LCN2: variants seen among roughly 807,000 people sequenced by gnomAD.
LCN2 encodes lipocalin 2.
In LCN2, 27 loss-of-function variants were observed where a neutral mutation model predicts 26.4. The ratio of observed to expected loss-of-function variants is 1.02; its 90% CI spans 0.76 to 1.41. The LOEUF is 1.41. Ranked by LOEUF, LCN2 falls within the 40% of genes most tolerant of loss-of-function variation. The pLI is 0.00. For synonymous variants in LCN2, 94 were observed against 98.9 expected, an observed-to-expected ratio of 0.95 and a Z score of 0.30; for missense variants, 224 against 237.6, an observed-to-expected ratio of 0.94 and a Z score of 0.38.
rs1829159936 is a variant in LCN2 at position 128,153,357 on chromosome 9, G to A, written c.*54G>A. On this transcript the variant is annotated 3_prime_UTR_variant, in exon 7 of 7. Coordinates refer to ENST00000277480, the MANE Select transcript of LCN2 (RefSeq NM_005564.5). The surrounding 1 kb of genome is among the most constrained non-coding windows in gnomAD (Gnocchi z 5.4). ...AGCCCGAACACCATTGAGGGAGCTG[G>A]GAGACCCTCCCCACAGTGCCACCCA... 1.7e-5 allele frequency: 10 copies of A among 597,304 alleles called. No homozygotes were observed. The Admixed American group carries it at 2.8e-4, about 17-fold the overall frequency. 37.0% of individuals were successfully genotyped at this position (597,304 alleles called of 1,614,324 possible). A position where few individuals can be genotyped will look rare whatever the true frequency, so the allele number is the denominator to read the frequency against.
rs778081569 is a variant in LCN2, at chr9:128,149,598, T to A, written c.73T>A (p.Ser25Thr). Residue 25 changes from serine (S) to threonine (T), a missense_variant, in exon 1 of 7, where the codon TCA becomes ACA. By Grantham distance (58) the Ser-to-Thr change is moderately conservative (BLOSUM62 1). Coordinates refer to ENST00000277480, the MANE Select transcript of LCN2 (RefSeq NM_005564.5). ...GCATGCCCAGGCCCAGGACTCCACC[T>A]CAGACCTGATCCCAGCCCCACCTCT... ...ALHAQAQDST[S>T]DLIPAPPLSK... 6.8e-6 allele frequency: 11 copies of A among 1,613,748 alleles called. No individual in the cohort carries two copies. The highest frequency in any genetic ancestry group is 3.3e-4 in the Middle Eastern group (2 of 6,060).
Position 128,153,436 on chromosome 9 carries a change from T to TG in LCN2, c.*133_*134insG. 2.0e-6 allele frequency: 1 copy of TG among 502,944 alleles called. No individual in the cohort carries two copies. The highest frequency in any genetic ancestry group is 3.7e-6 in the Non-Finnish European group (1 of 273,430). The allele number at this position is 502,944 out of a possible 1,614,324, so 31.2% of individuals were successfully genotyped here. ...ATGGAGCCCCACCTTGTCTGCTAAA[T>TG]AAACATGTGCCCTCAGGCCTCTGAG... is the stretch of plus-strand genomic sequence containing the variant. On this transcript the variant is annotated 3_prime_UTR_variant, in exon 7 of 7. Coordinates refer to ENST00000277480, the MANE Select transcript of LCN2 (RefSeq NM_005564.5). This position sits in a 1 kb window ranked among gnomAD's most constrained non-coding sequence, Gnocchi z 5.4.
At chr9:128,151,307 G>A in intron 2 of LCN2, 1 of 560,328 alleles carries the variant, frequency 1.8e-6, no homozygotes, top group Non-Finnish European at 3.3e-6. Flanking sequence ...GAAATGCAGG[G>A]TTTCTGTGTG....
At position 128,153,111 on chromosome 9, in the gene LCN2, G is replaced by A. The variant is rs749080993; in HGVS notation, c.589G>A (p.Asp197Asn). 1.9e-5 allele frequency: 31 copies of A among 1,613,972 alleles called. No individual in the cohort carries two copies. The Admixed American group carries it at 2.3e-4, about 12-fold the overall frequency. ...TTTCTCCCTAACAGACCAGTGTATC[G>A]ACGGCTGAGTGCACAGTGAGTGTGG... Reference protein sequence around the residue: ...VFPVPIDQCIDG With the variant: ...VFPVPIDQCING Residue 197 changes from aspartate to asparagine, a missense_variant, in exon 6 of 7, where the codon GAC becomes AAC. Asp to Asn is a conservative substitution (Grantham distance 23, BLOSUM62 1). Transcript: ENST00000277480. The surrounding 1 kb of genome is among the most constrained non-coding windows in gnomAD (Gnocchi z 5.4).
At position 128,153,019 on chromosome 9, in the gene LCN2, G is replaced by A. The variant is rs1588087415; in HGVS notation, c.578-81G>A. 1 of 1,604,292 alleles carries A rather than the reference G, an allele frequency of 6.2e-7. No individual in the cohort carries two copies. Among genetic ancestry groups the A allele is most frequent in the Non-Finnish European group, 8.5e-7 (1 of 1,172,152 alleles). On this transcript the variant is annotated intron_variant, in intron 5 of 6. Coordinates refer to ENST00000277480, the MANE Select transcript of LCN2 (RefSeq NM_005564.5). The surrounding 1 kb of genome is among the most constrained non-coding windows in gnomAD (Gnocchi z 5.4). ...GCCCAGGGGCAGTGCAGAGGACCTGGCAGTCAGGGATCACACACACACACT... is the reference window on the plus strand; with the variant it reads ...GCCCAGGGGCAGTGCAGAGGACCTGACAGTCAGGGATCACACACACACACT...
rs1159617860 is a variant in LCN2 at position 128,149,806 on chromosome 9, AG to A, written c.138+146del. On this transcript the variant is annotated intron_variant, in intron 1 of 6. Coordinates refer to ENST00000277480, the MANE Select transcript of LCN2 (RefSeq NM_005564.5). ...AGGTTTCAGCTCACTCTGTGCCACC[AG>A]GGTCCCCTGGTGGAAACCATGCCCC... 1.3e-5 allele frequency: 13 copies of A among 983,462 alleles called. No individual in the cohort carries two copies. The African/African-American group carries it at 2.1e-4, about 16-fold the overall frequency. 60.9% of individuals were successfully genotyped at this position (983,462 alleles called of 1,614,324 possible). A position where few individuals can be genotyped will look rare whatever the true frequency, so the allele number is the denominator to read the frequency against.
At chr9:128,150,582 A>G (rs1185155631) in intron 2 of LCN2, 8 of 720,772 alleles carry the variant, frequency 1.1e-5, no homozygotes, top group Non-Finnish European at 2.0e-5. Context: ...CACAGTCGTT[A>G]GAAAACAAGA....
At chr9:128,149,749 G>C (rs1289907217) in intron 1 of LCN2, 86 bp downstream of exon 1, 3 of 1,533,506 alleles carry the variant, frequency 2.0e-6, no homozygotes, top group Non-Finnish European at 2.7e-6. Flanking sequence ...CTCAGGAAGA[G>C]CGTTGGGCAG....
chr9:128,152,213 A>G lies in LCN2; in HGVS notation c.506A>G (p.Lys169Arg), dbSNP rs200989488. Residue 169 changes from lysine to arginine, a missense_variant, in exon 5 of 7, where the codon AAG becomes AGG. Lys to Arg is a conservative substitution (Grantham distance 26). Transcript: ENST00000277480. The stretch of plus-strand genomic sequence containing the variant: ...ACCAAGGAGCTGACTTCGGAACTAA[A>G]GGAGAACTTCATCCGCTTCTCCAAA... ...GRTKELTSEL[K>R]ENFIRFSKSL... is the part of the protein sequence containing the mutation. The G allele has an allele frequency of 2.5e-6, 4 of 1,614,136 alleles. No individual in the cohort carries two copies. The African/African-American group carries it at 4.0e-5, about 16-fold the overall frequency.
In LCN2 at chr9:128,150,490, G is replaced by GTTCA. The variant is rs570122128; in HGVS notation, c.275+118_275+121dup. 10 of 1,353,808 alleles carry GTTCA rather than the reference G, an allele frequency of 7.4e-6. No individual in the cohort carries two copies. The Admixed American group carries it at 1.7e-4, about 23-fold the overall frequency. 83.9% of individuals were successfully genotyped at this position (1,353,808 alleles called of 1,614,324 possible). On this transcript the variant is annotated intron_variant, in intron 2 of 6. Transcript: ENST00000277480. ...GCTGTTCTGCCCGGAATTCATCTGT[G>GTTCA]TTCATCCTTCCTCTGTTCCTTAGAG... is the stretch of plus-strand genomic sequence containing the variant.
chr9:128,150,653 C>T (rs1174264959), intron 2 of LCN2: 1 of 603,290 alleles, frequency 1.7e-6, no homozygotes, highest in Non-Finnish European at 3.1e-6. Flanking sequence ...CCTGGAACCC[C>T]ACCCAGTGCC....
At chr9:128,150,995 G>A (rs1029503642) in intron 2 of LCN2, among the ~76,000 whole-genome samples, 6 of 152,228 alleles carry the variant, frequency 3.9e-5, no homozygotes, top group South Asian at 2.1e-4. Context: ...CGTCACAGGT[G>A]TGAGAGAACA....
intron 2 of LCN2, among the ~76,000 whole-genome samples, chr9:128,150,840 C>T (rs761330667): frequency 7.9e-5 from 12 of 152,356 alleles, no homozygotes; most frequent in Non-Finnish European, 1.2e-4. Flanking sequence ...CAGGTGGCCA[C>T]GCTAGCACCT....
chr9:128,153,208 C>A lies in LCN2; in HGVS notation c.*7+82C>A. 6.6e-7 allele frequency: 1 copy of A among 1,520,908 alleles called. No individual in the cohort carries two copies. The highest frequency in any genetic ancestry group is 9.1e-7 in the Non-Finnish European group (1 of 1,098,252). The allele number at this position is 1,520,908 out of a possible 1,614,324, so 94.2% of individuals were successfully genotyped here. A position where few individuals can be genotyped will look rare whatever the true frequency, so the allele number is the denominator to read the frequency against. ...TGGGGGTCTTGGGCCTGCCTTTGCT[C>A]ATCCCCCTGCCCCCCAGCACTGCTG... On this transcript the variant is annotated intron_variant, in intron 6 of 6. Transcript: ENST00000277480. The surrounding 1 kb of genome is among the most constrained non-coding windows in gnomAD (Gnocchi z 5.4).
At position 128,152,183 on chromosome 9, in the gene LCN2, G is replaced by C; in HGVS notation, c.476G>C (p.Gly159Ala). ...CACTCACTGGCCATCTTGGTCACAG[G>C]GAGAACCAAGGAGCTGACTTCGGAA... The part of the protein sequence containing the change: ...NREYFKITLY[G>A]RTKELTSELK... Residue 159 changes from glycine (G) to alanine (A), a missense_variant and splice_region_variant, in exon 5 of 7, where the codon GGG becomes GCG. Gly to Ala is a moderately conservative substitution (Grantham distance 60). Coordinates refer to ENST00000277480, the MANE Select transcript of LCN2 (RefSeq NM_005564.5). 1 of 1,613,922 alleles carries C rather than the reference G, an allele frequency of 6.2e-7. No individual in the cohort carries two copies. Among genetic ancestry groups the C allele is most frequent in the Non-Finnish European group, 8.5e-7 (1 of 1,179,852 alleles).
In LCN2 at chr9:128,153,029, A is replaced by ATC; in HGVS notation, c.578-70_578-69dup. 6.2e-7 allele frequency: 1 copy of ATC among 1,608,264 alleles called. No individual in the cohort carries two copies. The highest frequency in any genetic ancestry group is 1.1e-5 in the South Asian group (1 of 90,770). On this transcript the variant is annotated intron_variant, in intron 5 of 6. Coordinates refer to ENST00000277480, the MANE Select transcript of LCN2 (RefSeq NM_005564.5). This position sits in a 1 kb window ranked among gnomAD's most constrained non-coding sequence, Gnocchi z 5.4. ...AGTGCAGAGGACCTGGCAGTCAGGG[A>ATC]TCACACACACACACTCATACACGCA...
Position 128,153,280 on chromosome 9 carries a change from A to C in LCN2, c.*8-31A>C, listed in dbSNP as rs1829159146. On this transcript the variant is annotated intron_variant, in intron 6 of 6. Coordinates refer to ENST00000277480, the MANE Select transcript of LCN2 (RefSeq NM_005564.5). The surrounding 1 kb of genome is among the most constrained non-coding windows in gnomAD (Gnocchi z 5.4). ...CATCTCGGGTGCCTCCCATTTCCCCACCCATCACCCTCATATCCACCTCTG... is the reference window on the plus strand; with the variant it reads ...CATCTCGGGTGCCTCCCATTTCCCCCCCCATCACCCTCATATCCACCTCTG... 2 of 852,894 alleles carry C rather than the reference A, an allele frequency of 2.3e-6. No homozygotes were observed. Among genetic ancestry groups the C allele is most frequent in the Admixed American group, 1.9e-5 (1 of 51,620 alleles). The allele number at this position is 852,894 out of a possible 1,614,324, so 52.8% of individuals were successfully genotyped here.
Position 128,153,023 on chromosome 9 carries a change from T to C in LCN2, c.578-77T>C, listed in dbSNP as rs558175670. 14 of 1,608,426 alleles carry C rather than the reference T, an allele frequency of 8.7e-6. No individual in the cohort carries two copies. In the South Asian group the frequency reaches 1.3e-4, roughly 15 times the overall value. ...AGGGGCAGTGCAGAGGACCTGGCAG[T>C]CAGGGATCACACACACACACTCATA... On this transcript the variant is annotated intron_variant, in intron 5 of 6. Coordinates refer to ENST00000277480, the MANE Select transcript of LCN2 (RefSeq NM_005564.5). The surrounding 1 kb of genome is among the most constrained non-coding windows in gnomAD (Gnocchi z 5.4).
chr9:128,152,009 C>A lies in LCN2; in HGVS notation c.459C>A (p.Phe153Leu), dbSNP rs761607932. Residue 153 changes from phenylalanine to leucine, a missense_variant, in exon 4 of 7, where the codon TTC becomes TTA. Coordinates refer to ENST00000277480, the MANE Select transcript of LCN2 (RefSeq NM_005564.5). Reference sequence around the variant, plus strand: ...AAGTTTCTCAAAACAGGGAGTACTTCAAGATCACCCTCTACGGTGGGTCCT... The same window carrying A: ...AAGTTTCTCAAAACAGGGAGTACTTAAAGATCACCCTCTACGGTGGGTCCT... ...FKKVSQNREY[F>L]KITLYGRTKE... 1 of 1,614,148 alleles carries A rather than the reference C, an allele frequency of 6.2e-7. No individual in the cohort carries two copies. The highest frequency in any genetic ancestry group is 8.5e-7 in the Non-Finnish European group (1 of 1,179,992).
Sources: allele counts gnomAD v4.1 joint callset (sites outside exome capture counted in the v4.1 genomes callset), GRCh38; gene constraint gnomAD v4.1.1; non-coding constraint Gnocchi (gnomAD v3.1); transcripts MANE v1.5; gene names NCBI Gene and HGNC (gene_info 2026-07-23, HGNC 2026-07-21).